The following PARVB variants were observed in gnomAD, a reference collection of about 807,000 sequenced individuals.
PARVB encodes parvin beta.
In PARVB, 46 loss-of-function variants were observed where a neutral mutation model predicts 47.0. The ratio of observed to expected loss-of-function variants is 0.98; its 90% CI spans 0.77 to 1.25. The LOEUF (loss-of-function observed/expected upper bound fraction) is 1.25, where lower values mean the gene tolerates loss of function less well. Ranked by LOEUF, PARVB falls within the 50% of genes most tolerant of loss-of-function variation. The probability of loss-of-function intolerance (pLI) is 0.00; values close to 1 mark genes in which losing one functional copy is unlikely to be tolerated. For missense variants in PARVB, 473 were observed against 471.6 expected, an observed-to-expected ratio of 1.00 and a Z score of -0.03; for synonymous variants, 196 against 196.3, an observed-to-expected ratio of 1.00 and a Z score of 0.01.
chr22:44,080,525 C>A (rs1278010088), intron 1 of PARVB, among the ~76,000 whole-genome samples: 1 of 152,162 alleles, frequency 6.6e-6, no homozygotes, highest in Non-Finnish European at 1.5e-5. Context: ...CTTGTAAGGA[C>A]CCTGTCAATC....
chr22:44,133,535 T>TTTTTA (rs781546119), intron 6 of PARVB, among the ~76,000 whole-genome samples: 1 of 152,178 alleles, frequency 6.6e-6, no homozygotes, highest in Admixed American at 6.5e-5. Context: ...TTACATTTAT[T>TTTTTA]TTTTATTTTA....
rs528686900 is a variant in PARVB, at chr22:44,172,256, C to T, written c.*3578C>T. 6.6e-6 allele frequency: 1 copy of T among 152,352 alleles called. No homozygotes were observed. The highest frequency in any genetic ancestry group is 2.1e-4 in the South Asian group (1 of 4,824). The allele number at this position is 152,352 out of a possible 1,614,324, so 9.4% of individuals were successfully genotyped here. A position where few individuals can be genotyped will look rare whatever the true frequency, so the allele number is the denominator to read the frequency against. Reference sequence around the variant, plus strand: ...GACATGAGGCTTGGGTGTGAGATGCCCCGTCTGCTGCTGCTCTTGGTTCTT... The same window carrying T: ...GACATGAGGCTTGGGTGTGAGATGCTCCGTCTGCTGCTGCTCTTGGTTCTT... On this transcript the variant is annotated 3_prime_UTR_variant, in exon 13 of 13. Coordinates refer to ENST00000338758, the MANE Select transcript of PARVB (RefSeq NM_013327.5).
Position 44,172,919 on chromosome 22 carries a change from C to G in PARVB, c.*4241C>G. The G allele has an allele frequency of 8.4e-7, 1 of 1,190,176 alleles. No individual in the cohort carries two copies. The highest frequency in any genetic ancestry group is 1.1e-6 in the Non-Finnish European group (1 of 903,324). The allele number at this position is 1,190,176 out of a possible 1,614,324, so 73.7% of individuals were successfully genotyped here. A position where few individuals can be genotyped will look rare whatever the true frequency, so the allele number is the denominator to read the frequency against. On this transcript the variant is annotated 3_prime_UTR_variant, in exon 13 of 13. Coordinates refer to ENST00000338758, the MANE Select transcript of PARVB (RefSeq NM_013327.5). ...GCGTCACAGTATGCTGTTATTTATTCCAATAAAGACCTCGTGAGCATGGGC... is the reference window on the plus strand; with the variant it reads ...GCGTCACAGTATGCTGTTATTTATTGCAATAAAGACCTCGTGAGCATGGGC...
intron 1 of PARVB, among the ~76,000 whole-genome samples, chr22:44,055,676 CTCTA>C (rs148214665): frequency 0.016 from 2,140 of 137,792 alleles, 19 homozygotes; most frequent in African/African-American, 0.027. Context: ...CTCTCTCTCT[CTCTA>C]TATATATATA....
At position 44,125,774 on chromosome 22, in the gene PARVB, G is replaced by A. The variant is rs1441976617; in HGVS notation, c.377-5713G>A. Among the ~76,000 whole-genome samples, 1 of 152,172 alleles carries A rather than the reference G, an allele frequency of 6.6e-6. No homozygotes were observed. The highest frequency in any genetic ancestry group is 2.1e-4 in the South Asian group (1 of 4,828). On this transcript the variant is annotated intron_variant, in intron 4 of 12. Coordinates refer to ENST00000338758, the MANE Select transcript of PARVB (RefSeq NM_013327.5). The surrounding 1 kb of genome is among the most constrained non-coding windows in gnomAD (Gnocchi z 4.1). ...TAGGGCTGTGACGTGGATTGGGTTA[G>A]AGTTTAAAAGGTCACTTAGGCTTCT...
At chr22:44,033,814 C>T (rs2050866586) in intron 1 of PARVB, among the ~76,000 whole-genome samples, 1 of 152,190 alleles carries the variant, frequency 6.6e-6, no homozygotes, top group Non-Finnish European at 1.5e-5. Context: ...AATGTTAGCA[C>T]TCCTAGGGCC....
chr22:43,999,643 G>A (rs2050391043), exon 2 of PARVB: 2 of 1,613,788 alleles, frequency 1.2e-6, no homozygotes, highest in Non-Finnish European at 8.5e-7. Context: ...CAGATCAGGA[G>A]TGGAAACATC....
intron 9 of PARVB, chr22:44,149,056 G>GTGAC (rs2053747743): frequency 1.3e-5 from 2 of 152,160 alleles, no homozygotes; most frequent in Admixed American, 1.3e-4. Flanking sequence ...TATCAGCTGT[G>GTGAC]TGACTTCTGG....
At chr22:44,005,496 T>C (rs1007680445) in intron 2 of PARVB, among the ~76,000 whole-genome samples, 3 of 151,900 alleles carry the variant, frequency 2.0e-5, no homozygotes, top group African/African-American at 7.3e-5. Context: ...TTTAATTTTT[T>C]CAGAGACAAG....
chr22:44,044,451 A>G (rs1175265016), intron 1 of PARVB, among the ~76,000 whole-genome samples: 2 of 151,652 alleles, frequency 1.3e-5, no homozygotes, highest in Admixed American at 1.3e-4. Context: ...AGGCCTCCCA[A>G]AGTGCTGGGA....
chr22:44,009,493 C>G (rs985853054), intron 2 of PARVB: 1 of 152,040 alleles, frequency 6.6e-6, no homozygotes, highest in African/African-American at 2.4e-5. Flanking sequence ...AGGCAGAGTT[C>G]AAATCAGCAA....
Position 44,125,966 on chromosome 22 carries a change from G to T in PARVB, c.377-5521G>T, listed in dbSNP as rs2147144653. Among the ~76,000 whole-genome samples, 1 of 152,296 alleles carries T rather than the reference G, an allele frequency of 6.6e-6. No individual in the cohort carries two copies. On this transcript the variant is annotated intron_variant, in intron 4 of 12. Coordinates refer to ENST00000338758, the MANE Select transcript of PARVB (RefSeq NM_013327.5). This position sits in a 1 kb window ranked among gnomAD's most constrained non-coding sequence, Gnocchi z 4.1. ...AACTGCCATAGGAACCAAGACTGAT[G>T]GCCAGGTTTGTGGCTTGAGCAACTG...
At position 44,041,755 on chromosome 22, in the gene PARVB, C is replaced by A. The variant is rs190436444; in HGVS notation, c.112+17304C>A. On this transcript the variant is annotated intron_variant, in intron 1 of 12. Transcript: ENST00000338758. ...GAAAAAAATAGCCAGGCGTGGTGGC[C>A]CATGCCTGTGGTCCCAGCTACCCCG... Among the ~76,000 whole-genome samples the A allele has an allele frequency of 1.1e-4, 17 of 151,636 alleles. 1 individual carries two copies. Among genetic ancestry groups the A allele is most frequent in the South Asian group, 1.0e-3 (5 of 4,786 alleles).
rs61756768 is a variant in PARVB at position 44,132,946 on chromosome 22, C to G, written c.570C>G (p.Ala190=). Reference sequence around the variant, plus strand: ...TCCTCCACCTGCTGGTCTCTCTGGCCATGCACTTCAGGGCCCCCATCCGCC... The same window carrying G: ...TCCTCCACCTGCTGGTCTCTCTGGCGATGCACTTCAGGGCCCCCATCCGCC... ...VAILHLLVSL[A]MHFRAPIRLP... The change falls in exon 6 of 13, where the codon GCC becomes GCG. Residue 190 remains alanine, a synonymous_variant. Coordinates refer to ENST00000338758, the MANE Select transcript of PARVB (RefSeq NM_013327.5). The G allele has an allele frequency of 6.2e-7, 1 of 1,614,116 alleles. No individual in the cohort carries two copies. The highest frequency in any genetic ancestry group is 8.5e-7 in the Non-Finnish European group (1 of 1,180,010).
upstream of PARVB, among the ~76,000 whole-genome samples, chr22:44,021,230 C>T (rs944907699): frequency 1.3e-5 from 2 of 152,222 alleles, no homozygotes; most frequent in Non-Finnish European, 2.9e-5. Context: ...TATAGCATTT[C>T]TTCCTCCTGG....
At chr22:44,020,915 G>C (rs544955723), upstream of PARVB, among the ~76,000 whole-genome samples, 40 of 152,140 alleles carry the variant, frequency 2.6e-4, no homozygotes, top group African/African-American at 9.2e-4. Flanking sequence ...CAAGTAGCTG[G>C]GATTACAGAC....
intron 11 of PARVB, 89 bp from the exon 12 acceptor site, chr22:44,163,768 TC>T: frequency 8.7e-7 from 1 of 1,146,268 alleles, no homozygotes; most frequent in Non-Finnish European, 1.3e-6. Flanking sequence ...AGAGGCTCGG[TC>T]CTGTCCATGC....
intron 1 of PARVB, among the ~76,000 whole-genome samples, chr22:44,082,142 T>C (rs1021879418): frequency 6.6e-6 from 1 of 152,118 alleles, no homozygotes; most frequent in Admixed American, 6.5e-5. Context: ...GCTTTGGGGA[T>C]GTGTATCCCA....
chr22:44,015,613 G>C (rs1256138147), intron 2 of PARVB, among the ~76,000 whole-genome samples: 3 of 152,204 alleles, frequency 2.0e-5, no homozygotes, highest in Admixed American at 6.5e-5. Flanking sequence ...GAGGTCAGGA[G>C]TTTGAGACCA....
Sources: gnomAD v4.1 joint callset for allele counts (sites outside exome capture counted in the v4.1 genomes callset) on GRCh38, gnomAD v4.1.1 for gene constraint, Gnocchi (gnomAD v3.1) non-coding constraint, MANE v1.5 for transcripts, NCBI Gene and HGNC (gene_info 2026-07-23, HGNC 2026-07-21) for gene names.